RPS6KA2: variants seen among roughly 807,000 people sequenced by gnomAD.
RPS6KA2 encodes the protein ribosomal protein S6 kinase alpha-2.
A neutral mutation model predicts 91.8 loss-of-function variants in RPS6KA2; 42 were observed. The ratio of observed to expected loss-of-function variants is 0.46; its 90% CI spans 0.36 to 0.59. The LOEUF is 0.59. RPS6KA2 is among the 20% of genes least tolerant of loss of function. The pLI, the probability that RPS6KA2 is intolerant of heterozygous loss-of-function variation, is 0.00. For missense variants in RPS6KA2, 798 were observed against 978.5 expected (o/e 0.82, Z 2.46); for synonymous variants, 414 against 393.6 (o/e 1.05, Z -0.61).
rs1240416210 is a variant in RPS6KA2, at chr6:166,770,117, G to A, written c.123+88083C>T. 1.3e-5 allele frequency among the ~76,000 whole-genome samples: 2 copies of A among 152,136 alleles called. No homozygotes were observed. The highest frequency in any genetic ancestry group is 2.9e-5 in the Non-Finnish European group (2 of 68,026). On this transcript the variant is annotated intron_variant, in intron 2 of 21. Coordinates refer to the RPS6KA2 transcript ENST00000503859. This position sits in a 1 kb window ranked among gnomAD's most constrained non-coding sequence, Gnocchi z 5.1. ...CAGGCCCATCTAGCCTGCTGTGACC[G>A]CTGCAGAGGCGCGGCCCCAAGGATG...
intron 2 of RPS6KA2, chr6:166,702,779 T>C: frequency 1.8e-6 from 2 of 1,125,092 alleles, no homozygotes; most frequent in Non-Finnish European, 2.7e-6. Context: ...TCCTTCAAGA[T>C]ACCTTCTAGG....
intron 1 of RPS6KA2, among the ~76,000 whole-genome samples, chr6:166,543,892 G>C (rs1316972138): frequency 1.3e-5 from 2 of 152,160 alleles, no homozygotes; most frequent in Non-Finnish European, 2.9e-5. Context: ...TCTTGTTCTG[G>C]CTTTTTCTCA....
Position 166,627,237 on chromosome 6 carries a change from G to A in RPS6KA2, c.-218C>T, listed in dbSNP as rs1326680212. The A allele has an allele frequency of 2.9e-6, 3 of 1,019,666 alleles. No homozygotes were observed. Among genetic ancestry groups the A allele is most frequent in the Non-Finnish European group, 3.5e-6 (3 of 853,172 alleles). 63.2% of individuals were successfully genotyped at this position (1,019,666 alleles called of 1,614,324 possible). On this transcript the variant is annotated 5_prime_UTR_variant, in exon 1 of 21. Transcript: ENST00000265678. ...AATCGCTCCCTCCGCCTCCTTCTCC[G>A]CCTCCCCTGCGAGTACCAGCGCCGG...
chr6:166,611,063 A>G (rs927710592), intron 1 of RPS6KA2, among the ~76,000 whole-genome samples: 2 of 152,220 alleles, frequency 1.3e-5, no homozygotes, highest in Non-Finnish European at 2.9e-5. Flanking sequence ...TAATATATTT[A>G]TTTTTTTCAA....
chr6:166,779,642 C>T (rs2072646), intron 2 of RPS6KA2, among the ~76,000 whole-genome samples: 3 of 152,140 alleles, frequency 2.0e-5, no homozygotes, highest in Non-Finnish European at 4.4e-5. Flanking sequence ...GCCCACATCC[C>T]GTCCACAGAG....
At chr6:166,582,026 G>GCCCAC (rs2128516541) in intron 1 of RPS6KA2, among the ~76,000 whole-genome samples, 1 of 137,036 alleles carries the variant, frequency 7.3e-6, no homozygotes, top group Admixed American at 7.2e-5. Context: ...GGGGTGGGAC[G>GCCCAC]TCCACTGGGC....
At chr6:166,461,166 A>G (rs1780273794) in intron 11 of RPS6KA2, among the ~76,000 whole-genome samples, 1 of 152,134 alleles carries the variant, frequency 6.6e-6, no homozygotes, top group Non-Finnish European at 1.5e-5. Context: ...CGGAGGAGAA[A>G]CAGGATTGAA....
At chr6:166,744,876 C>A (rs530496978) in intron 2 of RPS6KA2, among the ~76,000 whole-genome samples, 1 of 152,328 alleles carries the variant, frequency 6.6e-6, no homozygotes, top group Admixed American at 6.5e-5. Flanking sequence ...CCTGGGCCTT[C>A]CCCGGCTCTG....
intron 1 of RPS6KA2, among the ~76,000 whole-genome samples, chr6:166,585,078 AT>A (rs71674902): frequency 0.11 from 16,872 of 152,124 alleles, 3,131 homozygotes; most frequent in African/African-American, 0.39. Context: ...TGTGGTGACG[AT>A]GTTGCTACAA....
intron 2 of RPS6KA2, among the ~76,000 whole-genome samples, chr6:166,640,443 C>T (rs576782808): frequency 5.9e-5 from 9 of 152,334 alleles, no homozygotes; most frequent in African/African-American, 2.2e-4. Context: ...GTGGCAGCCC[C>T]GGGAGAGGCG....
chr6:166,424,208 C>A (rs73269245), intron 16 of RPS6KA2, among the ~76,000 whole-genome samples: 1,645 of 152,262 alleles, frequency 0.011, 28 homozygotes, highest in African/African-American at 0.036. Flanking sequence ...GATGGCAAGG[C>A]AATCAAAGAC....
At position 166,789,117 on chromosome 6, in the gene RPS6KA2, A is replaced by C. The variant is rs1199395271; in HGVS notation, c.123+69083T>G. ...GGAGTTCCCTTTCCTAGTCAAAGAA[A>C]GGGGTGACACACGGCACCTGGAAAA... On this transcript the variant is annotated intron_variant, in intron 2 of 21. Transcript: ENST00000503859. Among the ~76,000 whole-genome samples the C allele has an allele frequency of 3.9e-5, 6 of 152,186 alleles. No homozygotes were observed. The South Asian group carries it at 1.0e-3, about 26-fold the overall frequency.
rs936216510 is a variant in RPS6KA2, at chr6:166,563,544, G to A, written c.100-24760C>T. The stretch of plus-strand genomic sequence containing the variant: ...GTGCCTGCCCCCACTCCATCTGAGC[G>A]GCTGACCAGTCACCAGACTCACCCC... On this transcript the variant is annotated intron_variant, in intron 1 of 20. Transcript: ENST00000265678. This position sits in a 1 kb window ranked among gnomAD's most constrained non-coding sequence, Gnocchi z 4.1. Among the ~76,000 whole-genome samples the A allele has an allele frequency of 6.6e-6, 1 of 151,606 alleles. No individual in the cohort carries two copies.
At chr6:166,541,366 C>T (rs1273733700) in intron 1 of RPS6KA2, among the ~76,000 whole-genome samples, 2 of 152,236 alleles carry the variant, frequency 1.3e-5, no homozygotes, top group African/African-American at 2.4e-5. Context: ...CTAAAGATTT[C>T]CAGTTCCTTC....
rs569764280 is a variant in RPS6KA2, at chr6:166,823,483, A to G, written c.123+34717T>C. ...TGTGTGTGTGTGTGTGTAAAGGGTG[A>G]CCTTATCTTTAGAGACACTTCTTGA... On this transcript the variant is annotated intron_variant, in intron 2 of 21. Coordinates refer to the RPS6KA2 transcript ENST00000503859. Among the ~76,000 whole-genome samples the G allele has an allele frequency of 3.4e-5, 5 of 148,010 alleles. No individual in the cohort carries two copies. The South Asian group carries it at 6.5e-4, about 19-fold the overall frequency.
intron 2 of RPS6KA2, among the ~76,000 whole-genome samples, chr6:166,668,137 G>T (rs1441240941): frequency 2.0e-5 from 3 of 152,234 alleles, no homozygotes; most frequent in Non-Finnish European, 4.4e-5. Context: ...GCAGGAACAG[G>T]ACTGCAATGC....
At chr6:166,703,390 G>T (rs1254433755) in intron 2 of RPS6KA2, among the ~76,000 whole-genome samples, 1 of 152,204 alleles carries the variant, frequency 6.6e-6, no homozygotes, top group Admixed American at 6.5e-5. Flanking sequence ...CCTCCTACAC[G>T]GGGTTCAATT....
At chr6:166,594,494 G>A (rs375137879) in intron 1 of RPS6KA2, among the ~76,000 whole-genome samples, 6 of 151,634 alleles carry the variant, frequency 4.0e-5, no homozygotes, top group African/African-American at 1.5e-4. Flanking sequence ...ACGGAGTCTC[G>A]CTCTGTCGCC....
intron 1 of RPS6KA2, among the ~76,000 whole-genome samples, chr6:166,543,777 A>G (rs1030352053): frequency 1.3e-5 from 2 of 152,218 alleles, no homozygotes; most frequent in Non-Finnish European, 2.9e-5. Flanking sequence ...CCAGAGGTCC[A>G]GTTCTAGAGG....
Sources: gnomAD v4.1 joint callset for allele counts (sites outside exome capture counted in the v4.1 genomes callset) on GRCh38, gnomAD v4.1.1 for gene constraint, Gnocchi (gnomAD v3.1) non-coding constraint, MANE v1.5 for transcripts, NCBI Gene and HGNC (gene_info 2026-07-23, HGNC 2026-07-21) for gene names.